The following SEC24D variants were observed in gnomAD, a reference collection of about 807,000 sequenced individuals.
SEC24D encodes the protein protein transport protein Sec24D.
SEC24D carries 69 observed loss-of-function variants against 116.9 expected under a neutral mutation model. The ratio of observed to expected loss-of-function variants is 0.59; its 90% CI spans 0.49 to 0.72. The LOEUF is 0.72. Ranked by LOEUF, SEC24D falls within the 30% of genes least tolerant of loss-of-function variation. SEC24D has a pLI of 0.00. For synonymous variants in SEC24D, 405 were observed against 442.8 expected (o/e 0.91, Z 1.07); for missense variants, 1,131 against 1,264.1 (o/e 0.89, Z 1.60).
Position 118,824,758 on chromosome 4 carries a change from G to C in SEC24D, c.119-9C>G, listed in dbSNP as rs955367366. ...TGCTGGCTTCATCATACCTGCAAGA[G>C]AGGGGCATGAATTTAGAAGTGTATT... On this transcript the variant is annotated splice_polypyrimidine_tract_variant and intron_variant, in intron 2 of 22. Transcript: ENST00000280551. The C allele has an allele frequency of 5.7e-6, 9 of 1,573,862 alleles. No individual in the cohort carries two copies. The highest frequency in any genetic ancestry group is 7.7e-6 in the Non-Finnish European group (9 of 1,165,598).
At chr4:118,804,586 A>G (rs1361148122) in intron 7 of SEC24D, among the ~76,000 whole-genome samples, 1 of 143,096 alleles carries the variant, frequency 7.0e-6, no homozygotes, top group Non-Finnish European at 1.5e-5. Flanking sequence ...ACAGTGATAG[A>G]AAAAAAAAAT....
At chr4:118,767,805 C>A (rs1021186206) in intron 9 of SEC24D, among the ~76,000 whole-genome samples, 2 of 152,018 alleles carry the variant, frequency 1.3e-5, no homozygotes, top group African/African-American at 4.8e-5. Flanking sequence ...TCAAGAATAA[C>A]CTTGAGAAGT....
At chr4:118,770,748 C>T (rs191489531) in intron 8 of SEC24D, among the ~76,000 whole-genome samples, 3 of 152,234 alleles carry the variant, frequency 2.0e-5, no homozygotes, top group South Asian at 4.1e-4. Context: ...GTGAAATTGT[C>T]GGCAATGAAC....
At chr4:118,787,965 A>C (rs1208252277) in intron 8 of SEC24D, among the ~76,000 whole-genome samples, 1 of 152,072 alleles carries the variant, frequency 6.6e-6, no homozygotes, top group Non-Finnish European at 1.5e-5. Context: ...GGCATGCATC[A>C]CTGTACTTGG....
Position 118,810,074 on chromosome 4 carries a change from CTGTGTGTGTGTGTGTGTG to C in SEC24D, c.802-4138_802-4121del, listed in dbSNP as rs71595321. On this transcript the variant is annotated intron_variant, in intron 6 of 22. Coordinates refer to ENST00000280551, the MANE Select transcript of SEC24D (RefSeq NM_014822.4). ...TGGTAAGAGACCAGGTCAGAGGTAG[CTGTGTGTGTGTGTGTGTG>C]TGTGTGTGTGTGTGTGTGTGTGTGT... Among the ~76,000 whole-genome samples the C allele has an allele frequency of 1.4e-3, 54 of 38,620 alleles. 1 individual carries two copies. The Middle Eastern group carries it at 0.056, about 40-fold the overall frequency. 25.3% of individuals were successfully genotyped at this position (38,620 alleles called of 152,430 possible).
intron 10 of SEC24D, among the ~76,000 whole-genome samples, chr4:118,761,324 T>A (rs548622330): frequency 6.6e-6 from 1 of 152,336 alleles, no homozygotes; most frequent in South Asian, 2.1e-4. Flanking sequence ...CACCTTTAAT[T>A]GTCCTCATGG....
intron 15 of SEC24D, among the ~76,000 whole-genome samples, chr4:118,742,742 A>T (rs112848020): frequency 6.6e-6 from 1 of 152,330 alleles, no homozygotes; most frequent in African/African-American, 2.4e-5. Flanking sequence ...ACACCTTCCC[A>T]GTCCATGCCT....
At chr4:118,750,104 A>G (rs1726748409) in intron 13 of SEC24D, among the ~76,000 whole-genome samples, 2 of 152,222 alleles carry the variant, frequency 1.3e-5, no homozygotes, top group Admixed American at 1.3e-4. Context: ...AAGATGCAAA[A>G]GATATGAAGA....
chr4:118,770,162 G>C lies in SEC24D; in HGVS notation c.1042-1851C>G, dbSNP rs28451017. Reference sequence around the variant, plus strand: ...CAGAATGGATTTTTAAAACACTCCAGGAACTTTATTTAAATACATACTCAC... The same window carrying C: ...CAGAATGGATTTTTAAAACACTCCACGAACTTTATTTAAATACATACTCAC... On this transcript the variant is annotated intron_variant, in intron 8 of 22. Transcript: ENST00000280551. 7.4e-3 allele frequency among the ~76,000 whole-genome samples: 1,122 copies of C among 152,220 alleles called. 17 individuals are homozygous for C. Among genetic ancestry groups the C allele is most frequent in the African/African-American group, 0.025 (1,034 of 41,536 alleles).
chr4:118,757,881 AATACATTGC>A (rs1553924449), intron 10 of SEC24D, 36 bp from the exon 11 acceptor site: 1 of 1,557,078 alleles, frequency 6.4e-7, no homozygotes, highest in Non-Finnish European at 8.7e-7. Context: ...AAATAAAGTA[AATACATTGC>A]ATAATCAAAT....
At chr4:118,745,160 A>C (rs1578392261) in intron 13 of SEC24D, 100 bp from the exon 14 acceptor site, 1 of 692,614 alleles carries the variant, frequency 1.4e-6, no homozygotes, top group East Asian at 2.5e-5. Flanking sequence ...CTATGAGCTA[A>C]GCACTATATT....
intron 13 of SEC24D, among the ~76,000 whole-genome samples, chr4:118,748,864 C>T (rs1003551077): frequency 1.3e-5 from 2 of 152,118 alleles, no homozygotes; most frequent in African/African-American, 4.8e-5. Flanking sequence ...TTCTATGGTG[C>T]TCCATAAACC....
intron 11 of SEC24D, among the ~76,000 whole-genome samples, chr4:118,755,005 C>T (rs995530783): frequency 8.5e-5 from 13 of 152,072 alleles, no homozygotes; most frequent in Non-Finnish European, 1.2e-4. Context: ...TTTCAAGTGA[C>T]GGGAAAGGAG....
intron 10 of SEC24D, among the ~76,000 whole-genome samples, chr4:118,762,206 C>T (rs1469277372): frequency 6.6e-6 from 1 of 151,790 alleles, no homozygotes; most frequent in Non-Finnish European, 1.5e-5. Context: ...AGTTATATGG[C>T]AAAGCTGAGG....
chr4:118,830,527 A>T (rs1327692267), intron 2 of SEC24D, among the ~76,000 whole-genome samples: 2 of 152,196 alleles, frequency 1.3e-5, no homozygotes, highest in Non-Finnish European at 2.9e-5. Context: ...CATCCACTTC[A>T]TTGAATAAAC....
At position 118,773,248 on chromosome 4, in the gene SEC24D, G is replaced by A. The variant is rs1727990902; in HGVS notation, c.1042-4937C>T. Reference sequence around the variant, plus strand: ...GCACCAATATTCTACTTTACAAAGTGCCTGAAGGAAATACCTTGGCTAAGC... The same window carrying A: ...GCACCAATATTCTACTTTACAAAGTACCTGAAGGAAATACCTTGGCTAAGC... On this transcript the variant is annotated intron_variant, in intron 8 of 22. Transcript: ENST00000280551. Among the ~76,000 whole-genome samples, 7 of 151,388 alleles carry A rather than the reference G, an allele frequency of 4.6e-5. 1 individual carries two copies. Among genetic ancestry groups the A allele is most frequent in the Admixed American group, 4.6e-4 (7 of 15,204 alleles).
chr4:118,800,621 A>C (rs1432617494), intron 7 of SEC24D, among the ~76,000 whole-genome samples: 1 of 152,212 alleles, frequency 6.6e-6, no homozygotes, highest in East Asian at 1.9e-4. Context: ...ATCTGAGAGA[A>C]GGGGAAGACA....
At chr4:118,791,071 G>C (rs191204927) in intron 8 of SEC24D, among the ~76,000 whole-genome samples, 3 of 151,894 alleles carry the variant, frequency 2.0e-5, no homozygotes, top group African/African-American at 7.3e-5. Flanking sequence ...TAAAATAGCA[G>C]CATGTCCCTC....
intron 19 of SEC24D, 192 bp downstream of exon 19, chr4:118,738,067 TCA>T: frequency 2.0e-6 from 1 of 499,260 alleles, no homozygotes; most frequent in East Asian, 3.3e-5. Context: ...TTTTTTTTGT[TCA>T]CATTTTTAAA....
Sources: gnomAD v4.1 joint callset for allele counts (sites outside exome capture counted in the v4.1 genomes callset) on GRCh38, gnomAD v4.1.1 for gene constraint, MANE v1.5 for transcripts, NCBI Gene and HGNC (gene_info 2026-07-23, HGNC 2026-07-21) for gene names.